Variants in NALCN observed in about 807,000 individuals in gnomAD.
NALCN encodes sodium leak channel NALCN.
Under a neutral mutation model 225.3 loss-of-function variants are expected in NALCN, and 111 were observed. That is an observed-to-expected ratio of 0.49 (90% CI 0.42 to 0.58). The LOEUF is 0.58. NALCN is among the 20% of genes least tolerant of loss of function. The pLI is 0.00. For missense variants in NALCN, 1,378 were observed against 2,202.4 expected, an observed-to-expected ratio of 0.63 and a Z score of 7.49; for synonymous variants, 764 against 769.0, an observed-to-expected ratio of 0.99 and a Z score of 0.11.
chr13:101,060,108 T>G, intron 41 of NALCN, 141 bp from the exon 42 acceptor site: 7 of 932,846 alleles, frequency 7.5e-6, no homozygotes, highest in Non-Finnish European at 1.1e-5. Flanking sequence ...GTAAGGATCC[T>G]GAACTAATTT....
upstream of NALCN, among the ~76,000 whole-genome samples, chr13:101,416,775 G>A (rs1359499234): frequency 1.3e-5 from 2 of 151,656 alleles, no homozygotes; most frequent in South Asian, 4.2e-4. Flanking sequence ...CCTCTCGGGG[G>A]TCTTTCGTAC....
chr13:101,219,898 T>C (rs1157662839), intron 13 of NALCN, among the ~76,000 whole-genome samples: 1 of 152,186 alleles, frequency 6.6e-6, no homozygotes, highest in Non-Finnish European at 1.5e-5. Flanking sequence ...AGTCTTACTA[T>C]GTGTAAGTAG....
intron 3 of NALCN, among the ~76,000 whole-genome samples, chr13:101,391,005 C>T (rs1466596912): frequency 1.3e-5 from 2 of 151,848 alleles, no homozygotes; most frequent in Admixed American, 1.3e-4. Context: ...CACATGTATA[C>T]ATATGTAACA....
chr13:101,339,887 A>G (rs1472461232), intron 7 of NALCN, among the ~76,000 whole-genome samples: 1 of 152,208 alleles, frequency 6.6e-6, no homozygotes, highest in Non-Finnish European at 1.5e-5. Flanking sequence ...AACATCACCA[A>G]AAACTTGCCT....
chr13:101,115,334 G>T (rs746532894), intron 18 of NALCN, among the ~76,000 whole-genome samples: 1 of 152,126 alleles, frequency 6.6e-6, no homozygotes, highest in Non-Finnish European at 1.5e-5. Flanking sequence ...AAAGCTATTA[G>T]GGAAGCCTGA....
chr13:101,232,315 A>C (rs973693714), intron 12 of NALCN, among the ~76,000 whole-genome samples: 2 of 152,212 alleles, frequency 1.3e-5, no homozygotes, highest in Non-Finnish European at 1.5e-5. Flanking sequence ...ACCAATTGAA[A>C]AAAAATGACT....
chr13:101,166,984 T>C (rs1430324956), intron 15 of NALCN, among the ~76,000 whole-genome samples: 2 of 152,214 alleles, frequency 1.3e-5, no homozygotes, highest in East Asian at 3.8e-4. Context: ...CCTTTCCCCA[T>C]AGTGTGGTCT....
chr13:101,379,179 G>T (rs1276555610), intron 3 of NALCN, among the ~76,000 whole-genome samples: 1 of 152,108 alleles, frequency 6.6e-6, no homozygotes, highest in Non-Finnish European at 1.5e-5. Flanking sequence ...ACCATCTCAC[G>T]CCAGTTTAAT....
At chr13:101,378,397 T>A (rs1348487716) in intron 4 of NALCN, among the ~76,000 whole-genome samples, 173 bp downstream of exon 4, 1 of 151,650 alleles carries the variant, frequency 6.6e-6, no homozygotes. Flanking sequence ...TTCAAATATG[T>A]CAGAGTAAAC....
intron 3 of NALCN, among the ~76,000 whole-genome samples, chr13:101,390,159 A>G (rs866620940): frequency 1.3e-5 from 2 of 152,162 alleles, no homozygotes; most frequent in African/African-American, 4.8e-5. Flanking sequence ...GATGAAGACT[A>G]TAATCGAATA....
At chr13:101,362,072 T>G (rs191374470) in intron 6 of NALCN, among the ~76,000 whole-genome samples, 3 of 152,052 alleles carry the variant, frequency 2.0e-5, no homozygotes, top group Admixed American at 2.0e-4. Flanking sequence ...ATCTTGGAGA[T>G]CAATGTGCAG....
intron 9 of NALCN, 74 bp from the exon 10 acceptor site, chr13:101,284,093 G>T: frequency 1.6e-6 from 2 of 1,280,224 alleles, no homozygotes; most frequent in Non-Finnish European, 1.1e-6. Flanking sequence ...CTCCAGCTTT[G>T]TATATTTTTA....
chr13:101,375,373 A>G (rs909755110), intron 6 of NALCN, among the ~76,000 whole-genome samples: 4 of 152,220 alleles, frequency 2.6e-5, no homozygotes, highest in Non-Finnish European at 2.9e-5. Flanking sequence ...CTCATAAAAT[A>G]AAGTGTTGGA....
intron 7 of NALCN, among the ~76,000 whole-genome samples, chr13:101,331,384 A>G (rs2045164845): frequency 6.6e-6 from 1 of 152,222 alleles, no homozygotes; most frequent in Non-Finnish European, 1.5e-5. Flanking sequence ...TTAGGTATAA[A>G]AATTATAGAT....
At chr13:101,312,105 A>G (rs1384288211) in intron 7 of NALCN, among the ~76,000 whole-genome samples, 2 of 152,228 alleles carry the variant, frequency 1.3e-5, no homozygotes, top group Non-Finnish European at 2.9e-5. Flanking sequence ...GTACGTGTCG[A>G]GGAATTTATC....
intron 13 of NALCN, among the ~76,000 whole-genome samples, chr13:101,214,105 C>T (rs1394316511): frequency 1.3e-5 from 2 of 152,168 alleles, no homozygotes; most frequent in African/African-American, 4.8e-5. Context: ...CCATGGAATA[C>T]TATGCAGCCA....
At chr13:101,201,598 T>C (rs1335409822) in intron 13 of NALCN, among the ~76,000 whole-genome samples, 1 of 152,210 alleles carries the variant, frequency 6.6e-6, no homozygotes, top group Non-Finnish European at 1.5e-5. Context: ...AATGCTGTTA[T>C]GAACATTTAT....
intron 6 of NALCN, among the ~76,000 whole-genome samples, chr13:101,346,110 T>TATATATAC (rs2045728140): frequency 6.9e-6 from 1 of 145,482 alleles, no homozygotes; most frequent in Non-Finnish European, 1.5e-5. Flanking sequence ...TATATATATA[T>TATATATAC]ATGATGTTAT....
In NALCN at chr13:101,288,629, T is replaced by C. The variant is rs188570025; in HGVS notation, c.1047+3361A>G. Among the ~76,000 whole-genome samples, 9 of 152,340 alleles carry C rather than the reference T, an allele frequency of 5.9e-5. No homozygotes were observed. In the East Asian group the frequency reaches 1.7e-3, roughly 29 times the overall value. ...AGGGGATATTAATTCAGAAAACACATGTCAGCAAGAGTGCTCAATCAGAGA... is the reference window on the plus strand; with the variant it reads ...AGGGGATATTAATTCAGAAAACACACGTCAGCAAGAGTGCTCAATCAGAGA... On this transcript the variant is annotated intron_variant, in intron 9 of 43. Transcript: ENST00000251127.
Sources: allele counts gnomAD v4.1 joint callset (sites outside exome capture counted in the v4.1 genomes callset), GRCh38; gene constraint gnomAD v4.1.1; transcripts MANE v1.5; gene names NCBI Gene and HGNC (gene_info 2026-07-23, HGNC 2026-07-21).